Variants in TBC1D19 observed in about 807,000 individuals in gnomAD.
TBC1D19 encodes TBC1 domain family member 19.
Under a neutral mutation model 89.0 loss-of-function variants are expected in TBC1D19, and 60 were observed. The ratio of observed to expected loss-of-function variants is 0.67; its 90% CI spans 0.55 to 0.84. The LOEUF (loss-of-function observed/expected upper bound fraction) is 0.84. Ranked by LOEUF, TBC1D19 falls within the 40% of genes least tolerant of loss-of-function variation. The pLI, the probability that TBC1D19 is intolerant of heterozygous loss-of-function variation, is 0.00. For synonymous variants in TBC1D19, 189 were observed against 199.7 expected, an observed-to-expected ratio of 0.95 and a Z score of 0.45; for missense variants, 500 against 610.8, an observed-to-expected ratio of 0.82 and a Z score of 1.91.
chr4:26,656,155 AAAT>A (rs1744787836), intron 7 of TBC1D19, among the ~76,000 whole-genome samples: 1 of 152,170 alleles, frequency 6.6e-6, no homozygotes, highest in African/African-American at 2.4e-5. Flanking sequence ...ATAAAATTTG[AAAT>A]AATGCACAAT....
At chr4:26,594,243 A>C (rs1398722505) in intron 1 of TBC1D19, among the ~76,000 whole-genome samples, 1 of 152,174 alleles carries the variant, frequency 6.6e-6, no homozygotes, top group Non-Finnish European at 1.5e-5. Context: ...CGCATGGACA[A>C]AAAACCAAAC....
At position 26,634,206 on chromosome 4, in the gene TBC1D19, A is replaced by C. The variant is rs377738743; in HGVS notation, c.295-3005A>C. The stretch of plus-strand genomic sequence containing the variant: ...TTCTCTTGAAGTGATGGACAACTGC[A>C]GCTGCAGACCTCAATCTTCCGTACA... On this transcript the variant is annotated intron_variant, in intron 4 of 20. Transcript: ENST00000264866. Among the ~76,000 whole-genome samples the C allele has an allele frequency of 2.0e-5, 3 of 152,202 alleles. No homozygotes were observed. In the South Asian group the frequency reaches 6.2e-4, roughly 32 times the overall value.
chr4:26,735,029 T>TACAC (rs1560504018), intron 15 of TBC1D19, among the ~76,000 whole-genome samples: 52 of 78,682 alleles, frequency 6.6e-4, no homozygotes, highest in South Asian at 3.0e-3. Flanking sequence ...TACACATGTA[T>TACAC]ATATGTATAT....
At chr4:26,770,326 A>T in the TBC1D19 span, among the ~76,000 whole-genome samples, 1 of 152,154 alleles carries the variant, frequency 6.6e-6, no homozygotes, top group Non-Finnish European at 1.5e-5. Context: ...AAGCATTATC[A>T]TGTTAAAGGT....
chr4:26,618,282 A>G (rs1741823682), intron 3 of TBC1D19, among the ~76,000 whole-genome samples: 1 of 152,242 alleles, frequency 6.6e-6, no homozygotes, highest in Non-Finnish European at 1.5e-5. Flanking sequence ...TAAGGCCGGC[A>G]TTTAACTTAG....
At chr4:26,821,442 A>G in the TBC1D19 span, among the ~76,000 whole-genome samples, 1 of 152,230 alleles carries the variant, frequency 6.6e-6, no homozygotes, top group African/African-American at 2.4e-5. Context: ...CATAAGTGTA[A>G]TTCTGTGCTT....
chr4:26,639,479 T>C (rs774385940), intron 6 of TBC1D19, among the ~76,000 whole-genome samples: 5 of 152,226 alleles, frequency 3.3e-5, no homozygotes, highest in African/African-American at 4.8e-5. Context: ...CTTAATTATA[T>C]TGGGTTGTTA....
chr4:26,789,840 G>A, the TBC1D19 span, among the ~76,000 whole-genome samples: 60 of 152,262 alleles, frequency 3.9e-4, 1 homozygote, highest in Middle Eastern at 3.4e-3. Flanking sequence ...TACATACCAT[G>A]GAATACTATG....
At chr4:26,834,397 T>A in the TBC1D19 span, among the ~76,000 whole-genome samples, 1 of 152,176 alleles carries the variant, frequency 6.6e-6, no homozygotes, top group Non-Finnish European at 1.5e-5. Context: ...TATTCATTCA[T>A]TTAACAAATA....
In TBC1D19 at chr4:26,599,688, G is replaced by A. The variant is rs1448941841; in HGVS notation, c.100-13481G>A. Reference sequence around the variant, plus strand: ...TGGCCAAGTGCAGTGGCTCACGCCTGTAATCCTAGCACTTTGGGAGGCCAA... The same window carrying A: ...TGGCCAAGTGCAGTGGCTCACGCCTATAATCCTAGCACTTTGGGAGGCCAA... On this transcript the variant is annotated intron_variant, in intron 1 of 20. Transcript: ENST00000264866. Among the ~76,000 whole-genome samples, 4 of 152,136 alleles carry A rather than the reference G, an allele frequency of 2.6e-5. No homozygotes were observed. In the East Asian group the frequency reaches 5.8e-4, roughly 22 times the overall value.
chr4:26,816,000 T>C, the TBC1D19 span, among the ~76,000 whole-genome samples: 1 of 152,160 alleles, frequency 6.6e-6, no homozygotes, highest in African/African-American at 2.4e-5. Flanking sequence ...TCAGAGGAGT[T>C]CTCTCCACAG....
chr4:26,830,073 C>T, the TBC1D19 span, among the ~76,000 whole-genome samples: 1 of 152,128 alleles, frequency 6.6e-6, no homozygotes, highest in Admixed American at 6.6e-5. Flanking sequence ...GGTTTCCTGA[C>T]CCACAGTGTC....
chr4:26,583,981 G>A, upstream of TBC1D19: 1 of 562,004 alleles, frequency 1.8e-6, no homozygotes, highest in Non-Finnish European at 3.2e-6. Flanking sequence ...GTCTTTTTCC[G>A]CCGGCGGAAC....
chr4:26,732,677 G>T (rs1717738509), intron 15 of TBC1D19, among the ~76,000 whole-genome samples: 2 of 152,270 alleles, frequency 1.3e-5, no homozygotes, highest in South Asian at 4.1e-4. Flanking sequence ...ATTCTTTGTT[G>T]TTTTTGAAAT....
At chr4:26,621,821 T>A (rs557702140) in intron 4 of TBC1D19, among the ~76,000 whole-genome samples, 2 of 152,194 alleles carry the variant, frequency 1.3e-5, no homozygotes, top group African/African-American at 4.8e-5. Context: ...TTTTTTTTTG[T>A]TATAAAGATT....
the TBC1D19 span, among the ~76,000 whole-genome samples, chr4:26,774,038 T>C: frequency 6.6e-6 from 1 of 152,176 alleles, no homozygotes; most frequent in Non-Finnish European, 1.5e-5. Flanking sequence ...AACCCAATAC[T>C]CAGTACTTTT....
chr4:26,653,284 C>A (rs952110235), intron 7 of TBC1D19, among the ~76,000 whole-genome samples: 3 of 152,130 alleles, frequency 2.0e-5, no homozygotes, highest in African/African-American at 7.2e-5. Flanking sequence ...TGCTTTGCTT[C>A]CAACTATGTG....
chr4:26,841,626 G>A, the TBC1D19 span, among the ~76,000 whole-genome samples: 2 of 152,100 alleles, frequency 1.3e-5, no homozygotes, highest in East Asian at 3.9e-4. Context: ...CAGGCTCAAG[G>A]GCATATGGAA....
chr4:26,826,152 A>T, the TBC1D19 span, among the ~76,000 whole-genome samples: 1 of 152,234 alleles, frequency 6.6e-6, no homozygotes, highest in Non-Finnish European at 1.5e-5. Context: ...CAGTGAGCTG[A>T]GATCGTGCCA....
Sources: allele counts gnomAD v4.1 joint callset (sites outside exome capture counted in the v4.1 genomes callset), GRCh38; gene constraint gnomAD v4.1.1; transcripts MANE v1.5; gene names NCBI Gene and HGNC (gene_info 2026-07-23, HGNC 2026-07-21).